The following ADGRB3 variants were observed in gnomAD, a reference collection of about 807,000 sequenced individuals.
ADGRB3 encodes adhesion G protein-coupled receptor B3.
Under a neutral mutation model 193.4 loss-of-function variants are expected in ADGRB3, and 37 were observed. That is an observed-to-expected ratio of 0.19 (90% CI 0.15 to 0.25). ADGRB3 has a LOEUF of 0.25. Among genes scored for constraint, ADGRB3 ranks in the 10% least tolerant of loss-of-function variants. The pLI is 1.00. For synonymous variants in ADGRB3, 690 were observed against 644.2 expected (o/e 1.07, Z -1.08); for missense variants, 1,637 against 1,852.9 (o/e 0.88, Z 2.14).
At chr6:69,066,055 C>T (rs772649135) in intron 16 of ADGRB3, among the ~76,000 whole-genome samples, 7 of 151,728 alleles carry the variant, frequency 4.6e-5, no homozygotes, top group Non-Finnish European at 8.8e-5. Context: ...GATACTTGAG[C>T]ATCCATGGAT....
intron 19 of ADGRB3, among the ~76,000 whole-genome samples, chr6:69,238,766 A>G (rs1766326653): frequency 1.3e-5 from 2 of 151,926 alleles, no homozygotes; most frequent in South Asian, 4.1e-4. Context: ...ACACACACGT[A>G]TATAAAGGTA....
chr6:69,157,682 G>GAAAAAAA (rs1774878630), intron 17 of ADGRB3, among the ~76,000 whole-genome samples: 1 of 147,880 alleles, frequency 6.8e-6, no homozygotes, highest in African/African-American at 2.5e-5. Flanking sequence ...TTTTGCCATT[G>GAAAAAAA]AAAGTAATAT....
At chr6:69,046,909 G>A (rs998532232) in intron 13 of ADGRB3, among the ~76,000 whole-genome samples, 21 of 152,268 alleles carry the variant, frequency 1.4e-4, no homozygotes, top group African/African-American at 5.1e-4. Flanking sequence ...CCAGGCTGGA[G>A]TGCACTGGCC....
rs118173673 is a variant in ADGRB3, at chr6:68,802,957, G to A, written c.758-127602G>A. ...ATTTAAGGTCCTTGTCATCTACCTC[G>A]ACTTATCTTTCCAATGTTGTCACTG... On this transcript the variant is annotated intron_variant, in intron 3 of 31. Coordinates refer to ENST00000370598, the MANE Select transcript of ADGRB3 (RefSeq NM_001704.3). Among the ~76,000 whole-genome samples the A allele has an allele frequency of 3.4e-3, 522 of 152,058 alleles. 4 individuals are homozygous for A. Among genetic ancestry groups the A allele is most frequent in the Non-Finnish European group, 5.4e-3 (368 of 67,964 alleles).
intron 3 of ADGRB3, among the ~76,000 whole-genome samples, chr6:68,755,449 G>A (rs957283643): frequency 1.3e-5 from 2 of 152,108 alleles, no homozygotes; most frequent in African/African-American, 2.4e-5. Flanking sequence ...GAAGTGCAGT[G>A]CTATGAGCGT....
chr6:68,787,855 A>G (rs1767008858), intron 3 of ADGRB3, among the ~76,000 whole-genome samples: 1 of 152,052 alleles, frequency 6.6e-6, no homozygotes, highest in East Asian at 1.9e-4. Context: ...CTATTCAGAG[A>G]TTCAACTTCT....
chr6:68,942,205 G>C (rs1184408090), intron 5 of ADGRB3, among the ~76,000 whole-genome samples: 1 of 152,048 alleles, frequency 6.6e-6, no homozygotes, highest in Non-Finnish European at 1.5e-5. Context: ...GGTATACTAT[G>C]TGTGTTTCTA....
intron 3 of ADGRB3, among the ~76,000 whole-genome samples, chr6:68,761,221 A>G (rs9351736): frequency 0.065 from 9,860 of 152,262 alleles, 404 homozygotes; most frequent in East Asian, 0.18. Context: ...TCCAGGTGAA[A>G]GGCAACAAGG....
chr6:68,733,506 G>C (rs1765813747), intron 3 of ADGRB3, among the ~76,000 whole-genome samples: 1 of 151,764 alleles, frequency 6.6e-6, no homozygotes, highest in Non-Finnish European at 1.5e-5. Flanking sequence ...AGGGAGGAAA[G>C]CATTGAAAAC....
rs1769306213 is a variant in ADGRB3 at position 68,993,765 on chromosome 6, C to T, written c.1735-3C>T. On this transcript the variant is annotated splice_region_variant and splice_polypyrimidine_tract_variant and intron_variant, in intron 10 of 31. Coordinates refer to ENST00000370598, the MANE Select transcript of ADGRB3 (RefSeq NM_001704.3). ...GTTTGCTCTGTTCTTTTGACCATCA[C>T]AGATTAAAGAGCACCTTGCTAAGGG... is the stretch of plus-strand genomic sequence containing the variant. 1 of 1,611,102 alleles carries T rather than the reference C, an allele frequency of 6.2e-7. No homozygotes were observed. The highest frequency in any genetic ancestry group is 8.5e-7 in the Non-Finnish European group (1 of 1,178,092).
At chr6:69,094,169 G>T (rs1238590083) in intron 17 of ADGRB3, among the ~76,000 whole-genome samples, 1 of 152,138 alleles carries the variant, frequency 6.6e-6, no homozygotes, top group Non-Finnish European at 1.5e-5. Flanking sequence ...CTGGACATGA[G>T]GCAGAGGGAA....
At chr6:68,746,051 A>G (rs1766077323) in intron 3 of ADGRB3, among the ~76,000 whole-genome samples, 1 of 152,132 alleles carries the variant, frequency 6.6e-6, no homozygotes, top group African/African-American at 2.4e-5. Context: ...TATGAGTAGA[A>G]TTCTGCATCA....
intron 3 of ADGRB3, among the ~76,000 whole-genome samples, chr6:68,877,778 T>C (rs1026056264): frequency 6.6e-6 from 1 of 152,146 alleles, no homozygotes; most frequent in Admixed American, 6.5e-5. Context: ...GGACTTTTTT[T>C]AATAGTCCAT....
At chr6:68,939,821 A>G (rs1767587256) in intron 5 of ADGRB3, among the ~76,000 whole-genome samples, 1 of 152,214 alleles carries the variant, frequency 6.6e-6, no homozygotes, top group African/African-American at 2.4e-5. Context: ...TAAGAATAAA[A>G]TTAACTCAGA....
chr6:68,667,307 A>G (rs1437562204), intron 3 of ADGRB3, among the ~76,000 whole-genome samples: 2 of 151,894 alleles, frequency 1.3e-5, no homozygotes, highest in African/African-American at 4.8e-5. Flanking sequence ...ATTTAATGTT[A>G]TAGATTTAAG....
At chr6:69,072,533 T>C (rs531594814) in intron 16 of ADGRB3, among the ~76,000 whole-genome samples, 1 of 148,796 alleles carries the variant, frequency 6.7e-6, no homozygotes, top group South Asian at 2.1e-4. Context: ...TCTTTTCTAA[T>C]TTTTTTTTTG....
intron 17 of ADGRB3, among the ~76,000 whole-genome samples, chr6:69,112,609 G>C (rs556761642): frequency 6.6e-6 from 1 of 151,934 alleles, no homozygotes; most frequent in Admixed American, 6.6e-5. Context: ...CAGGCCTTTC[G>C]TATTCATGAG....
At position 68,808,992 on chromosome 6, in the gene ADGRB3, C is replaced by T. The variant is rs559379794; in HGVS notation, c.758-121567C>T. On this transcript the variant is annotated intron_variant, in intron 3 of 31. Coordinates refer to ENST00000370598, the MANE Select transcript of ADGRB3 (RefSeq NM_001704.3). ...AGTAGCAACAAAGATGAATTTTGTG[C>T]CCCCTGAAATTTAAAATATATTAAA... Among the ~76,000 whole-genome samples, 7 of 152,094 alleles carry T rather than the reference C, an allele frequency of 4.6e-5. No individual in the cohort carries two copies. The South Asian group carries it at 8.3e-4, about 18-fold the overall frequency.
At chr6:68,920,446 A>G (rs1767005245) in intron 3 of ADGRB3, among the ~76,000 whole-genome samples, 1 of 135,228 alleles carries the variant, frequency 7.4e-6, no homozygotes, top group African/African-American at 2.8e-5. Flanking sequence ...TGAACCCGGG[A>G]GGCGGAGCTT....
Sources: gnomAD v4.1 joint callset for allele counts (sites outside exome capture counted in the v4.1 genomes callset) on GRCh38, gnomAD v4.1.1 for gene constraint, MANE v1.5 for transcripts, NCBI Gene and HGNC (gene_info 2026-07-23, HGNC 2026-07-21) for gene names.